Variants in TTLL5 observed in about 807,000 individuals in gnomAD.
TTLL5 encodes tubulin polyglutamylase TTLL5.
TTLL5 carries 132 observed loss-of-function variants against 168.4 expected under a neutral mutation model. The ratio of observed to expected loss-of-function variants is 0.78; its 90% CI spans 0.68 to 0.91. The LOEUF (loss-of-function observed/expected upper bound fraction) is 0.91, where lower values mean the gene tolerates loss of function less well. TTLL5 is among the 40% of genes least tolerant of loss of function. The pLI is 0.00. For missense variants in TTLL5, 1,545 were observed against 1,581.5 expected (o/e 0.98, Z 0.39); for synonymous variants, 546 against 558.6 (o/e 0.98, Z 0.32).
intron 30 of TTLL5, among the ~76,000 whole-genome samples, chr14:75,884,431 G>A (rs1376454203): frequency 6.6e-6 from 1 of 152,216 alleles, no homozygotes; most frequent in Non-Finnish European, 1.5e-5. Context: ...CTGCTGGCAG[G>A]AGAACTCTGC....
At chr14:75,689,963 G>C in intron 5 of TTLL5, 1 of 425,558 alleles carries the variant, frequency 2.3e-6, no homozygotes, top group South Asian at 2.9e-5. Context: ...CATTAAAAAG[G>C]GCAAATTTTA....
At chr14:75,894,492 G>T (rs2032557682) in intron 30 of TTLL5, among the ~76,000 whole-genome samples, 1 of 152,182 alleles carries the variant, frequency 6.6e-6, no homozygotes, top group Non-Finnish European at 1.5e-5. Flanking sequence ...GGCTGAGGTT[G>T]CAGTGAGCCG....
intron 18 of TTLL5, among the ~76,000 whole-genome samples, chr14:75,760,548 C>CT (rs1208013587): frequency 2.0e-5 from 3 of 151,874 alleles, no homozygotes; most frequent in Non-Finnish European, 4.4e-5. Flanking sequence ...TTGAAAAAGA[C>CT]TTAACGTACT....
rs573514433 is a variant in TTLL5 at position 75,730,867 on chromosome 14, C to A, written c.1043-1471C>A. 2.0e-5 allele frequency among the ~76,000 whole-genome samples: 3 copies of A among 152,024 alleles called. No individual in the cohort carries two copies. In the East Asian group the frequency reaches 5.8e-4, roughly 29 times the overall value. On this transcript the variant is annotated intron_variant, in intron 12 of 31. Transcript: ENST00000298832. ...CCTGAGTAGCTGGGATTACAGGTGC[C>A]TGCCACCACGCCCAGCTAATTTTTG... is the stretch of plus-strand genomic sequence containing the variant.
Position 75,820,088 on chromosome 14 carries a change from C to A in TTLL5, c.3253C>A (p.Pro1085Thr), listed in dbSNP as rs761727252. 2 of 1,609,872 alleles carry A rather than the reference C, an allele frequency of 1.2e-6. No individual in the cohort carries two copies. Among genetic ancestry groups the A allele is most frequent in the Middle Eastern group, 1.7e-4 (1 of 6,050 alleles). Residue 1085 changes from proline (P) to threonine (T), a missense_variant, in exon 28 of 32, where the codon CCT becomes ACT. Transcript: ENST00000298832. ...CCCAACCCTCCGACCCATCATCAGT[C>A]CTAGTGGCCCGACATGGTCTACACA... The part of the protein sequence containing the change: ...APPTLRPIIS[P>T]SGPTWSTQSD...
chr14:75,775,534 A>G lies in TTLL5; in HGVS notation c.2187A>G (p.Ser729=). 1 of 1,613,936 alleles carries G rather than the reference A, an allele frequency of 6.2e-7. No individual in the cohort carries two copies. Among genetic ancestry groups the G allele is most frequent in the South Asian group, 1.1e-5 (1 of 91,068 alleles). Residue 729 remains serine, a synonymous_variant, in exon 22 of 32, where the codon TCA becomes TCG. Transcript: ENST00000298832. ...GAGCATCAAATAACCTCCAGCATTC[A>G]CTGAGGATGGTATTACCCAGTCGAC... The part of the protein sequence containing the change: ...LKRASNNLQH[S]LRMVLPSRRL...
At chr14:75,690,580 G>A (rs1487289674) in intron 6 of TTLL5, among the ~76,000 whole-genome samples, 1 of 151,884 alleles carries the variant, frequency 6.6e-6, no homozygotes, top group Non-Finnish European at 1.5e-5. Context: ...TTTTTTGCTT[G>A]AATGTCCCTT....
intron 7 of TTLL5, among the ~76,000 whole-genome samples, chr14:75,702,841 G>T (rs1886373444): frequency 6.6e-6 from 1 of 152,150 alleles, no homozygotes; most frequent in South Asian, 2.1e-4. Context: ...GTATTTAGTG[G>T]AAGTGCCAGA....
intron 28 of TTLL5, among the ~76,000 whole-genome samples, chr14:75,832,106 C>T (rs906242726): frequency 6.6e-6 from 1 of 152,160 alleles, no homozygotes; most frequent in African/African-American, 2.4e-5. Context: ...CACACACCCC[C>T]ACCCCCACAG....
In TTLL5 at chr14:75,738,017, G is replaced by A. The variant is rs565330047; in HGVS notation, c.1281+2728G>A. 5.0e-4 allele frequency among the ~76,000 whole-genome samples: 76 copies of A among 152,184 alleles called. 2 individuals carry two copies. Among genetic ancestry groups the A allele is most frequent in the African/African-American group, 1.8e-3 (75 of 41,522 alleles). ...TAATATTGGAAATGTTTTCACATTG[G>A]GTGTAGGGTTGTATTTGAGTTCCTT... On this transcript the variant is annotated intron_variant, in intron 15 of 31. Coordinates refer to ENST00000298832, the MANE Select transcript of TTLL5 (RefSeq NM_015072.5).
At chr14:75,671,105 T>C (rs61980777) in intron 3 of TTLL5, among the ~76,000 whole-genome samples, 3 of 152,226 alleles carry the variant, frequency 2.0e-5, no homozygotes, top group African/African-American at 4.8e-5. Flanking sequence ...AGGGTTCACC[T>C]TCATTCTTTT....
intron 29 of TTLL5, among the ~76,000 whole-genome samples, chr14:75,874,231 A>G (rs1207427072): frequency 6.6e-6 from 1 of 152,122 alleles, no homozygotes; most frequent in East Asian, 1.9e-4. Context: ...AGCTGAGACT[A>G]TAGGCATGCG....
At chr14:75,760,982 CAT>C (rs1200269078) in intron 18 of TTLL5, among the ~76,000 whole-genome samples, 3 of 152,040 alleles carry the variant, frequency 2.0e-5, no homozygotes, top group African/African-American at 7.2e-5. Context: ...ATGCATCAAA[CAT>C]ATCTGTCAAA....
intron 5 of TTLL5, among the ~76,000 whole-genome samples, chr14:75,687,822 G>A (rs1885178714): frequency 6.6e-6 from 1 of 152,128 alleles, no homozygotes; most frequent in African/African-American, 2.4e-5. Context: ...AAATAAAAGA[G>A]GCTCGTGAAA....
intron 27 of TTLL5, among the ~76,000 whole-genome samples, chr14:75,803,842 C>G (rs2140373042): frequency 6.6e-6 from 1 of 152,266 alleles, no homozygotes; most frequent in South Asian, 2.1e-4. Context: ...CATTAGTGAA[C>G]AGAAGAATGT....
intron 26 of TTLL5, among the ~76,000 whole-genome samples, chr14:75,792,527 C>T (rs938142248): frequency 6.6e-6 from 1 of 151,362 alleles, no homozygotes; most frequent in African/African-American, 2.4e-5. Flanking sequence ...CAGTGGATGC[C>T]ACAGACTGTT....
intron 31 of TTLL5, among the ~76,000 whole-genome samples, chr14:75,926,915 T>C (rs187934358): frequency 5.3e-5 from 8 of 152,330 alleles, no homozygotes; most frequent in Non-Finnish European, 1.0e-4. Context: ...ACAACCTAAA[T>C]GTTAGCCAGA....
At chr14:75,904,216 A>G (rs2033051128) in intron 31 of TTLL5, 3 of 1,186,038 alleles carry the variant, frequency 2.5e-6, no homozygotes, top group Non-Finnish European at 2.1e-6. Flanking sequence ...AAAAAAAAAA[A>G]GGAAAGAAAA....
In TTLL5 at chr14:75,684,772, T is replaced by C. The variant is rs141746757; in HGVS notation, c.371+1116T>C. ...TTAAATACGTTAGGCTAACCTGTTG[T>C]TTGTGGGAAATGAAAGAATTAAAAA... On this transcript the variant is annotated intron_variant, in intron 5 of 31. Transcript: ENST00000298832. 2.2e-4 allele frequency: 33 copies of C among 152,260 alleles called. 3 individuals are homozygous for C. The East Asian group carries it at 6.4e-3, about 29-fold the overall frequency. The allele number at this position is 152,260 out of a possible 1,614,324, so 9.4% of individuals were successfully genotyped here. A position where few individuals can be genotyped will look rare whatever the true frequency, so the allele number is the denominator to read the frequency against.
Sources: allele counts gnomAD v4.1 joint callset (sites outside exome capture counted in the v4.1 genomes callset), GRCh38; gene constraint gnomAD v4.1.1; transcripts MANE v1.5; gene names NCBI Gene and HGNC (gene_info 2026-07-23, HGNC 2026-07-21).